Variants in KCNAB2 observed in about 807,000 individuals in gnomAD.
KCNAB2 encodes the protein voltage-gated potassium channel subunit beta-2.
KCNAB2 carries 29 observed loss-of-function variants against 63.6 expected under a neutral mutation model. The observed-to-expected ratio is 0.46, with a 90% CI of 0.34 to 0.62. KCNAB2 has a LOEUF of 0.62. KCNAB2 is among the 20% of genes least tolerant of loss of function. KCNAB2 has a pLI of 0.01. For synonymous variants in KCNAB2, 222 were observed against 224.2 expected (o/e 0.99, Z 0.09); for missense variants, 359 against 563.9 (o/e 0.64, Z 3.68).
At position 6,071,152 on chromosome 1, in the gene KCNAB2, G is replaced by A. The variant is rs1028452106; in HGVS notation, c.219-1603G>A. Among the ~76,000 whole-genome samples, 3 of 152,168 alleles carry A rather than the reference G, an allele frequency of 2.0e-5. No individual in the cohort carries two copies. The highest frequency in any genetic ancestry group is 4.8e-5 in the African/African-American group (2 of 41,444). On this transcript the variant is annotated intron_variant, in intron 2 of 15. Transcript: ENST00000378083. This position sits in a 1 kb window ranked among gnomAD's most constrained non-coding sequence, Gnocchi z 8.5. ...ACAGAGTGGGCTCGTGTCAGAAGTCGGGGGTTCAGAATGAGGCTTGAGCCC... is the reference window on the plus strand; with the variant it reads ...ACAGAGTGGGCTCGTGTCAGAAGTCAGGGGTTCAGAATGAGGCTTGAGCCC...
Position 5,994,654 on chromosome 1 carries a change from G to T in KCNAB2, c.-53+1866G>T, listed in dbSNP as rs1260417289. On this transcript the variant is annotated intron_variant, in intron 1 of 16. Transcript: ENST00000341524. The surrounding 1 kb of genome is among the most constrained non-coding windows in gnomAD (Gnocchi z 5.4). ...GTGAAACCCTTTTCGTGTGTTTCTT[G>T]GTTGAGAACCGTCTTGGGTCTGGAT... is the stretch of plus-strand genomic sequence containing the variant. 1.3e-5 allele frequency among the ~76,000 whole-genome samples: 2 copies of T among 152,146 alleles called. No individual in the cohort carries two copies. Among genetic ancestry groups the T allele is most frequent in the Admixed American group, 6.5e-5 (1 of 15,276 alleles).
chr1:6,091,286 T>C lies in KCNAB2; in HGVS notation c.625T>C (p.Ser209Pro). The change falls in exon 10 of 16, where the codon TCA becomes CCA. Residue 209 changes from serine (S) to proline (P), a missense_variant. Around this residue, in one of 2 missense-constraint regions of KCNAB2, gnomAD observed 271 missense variants for 476.1 expected, o/e 0.57. Coordinates refer to ENST00000378083, the MANE Select transcript of KCNAB2 (RefSeq NM_001199862.2). ...MEGDPFSSSK[S>P]RTFIIEETVR... ...AGGGGACCCATTTAGTTCCTCCAAG[T>C]CAAGGACATTCATCATAGAAGGTAC... The C allele has an allele frequency of 6.5e-7, 1 of 1,533,872 alleles. No individual in the cohort carries two copies. The highest frequency in any genetic ancestry group is 2.4e-5 in the East Asian group (1 of 40,906).
intron 2 of KCNAB2, among the ~76,000 whole-genome samples, chr1:6,058,495 A>G (rs896265305): frequency 2.0e-5 from 3 of 152,232 alleles, no homozygotes. Context: ...TCACTACAGC[A>G]GAATTGTCCT....
Position 6,084,696 on chromosome 1 carries a change from G to A in KCNAB2, c.381-508G>A, listed in dbSNP as rs550288822. Among the ~76,000 whole-genome samples the A allele has an allele frequency of 1.7e-3, 251 of 152,030 alleles. 1 individual carries two copies. The Middle Eastern group carries it at 0.017, about 10-fold the overall frequency. On this transcript the variant is annotated intron_variant, in intron 5 of 15. Coordinates refer to ENST00000378083, the MANE Select transcript of KCNAB2 (RefSeq NM_001199862.2). ...CCGGGCGTGGTGGCAGGTGCCTGTA[G>A]TCCCAGCTACTTGGGAGGCTGAGGC... is the stretch of plus-strand genomic sequence containing the variant.
rs559446356 is a variant in KCNAB2 at position 6,090,211 on chromosome 1, G to A, written c.515-178G>A. On this transcript the variant is annotated intron_variant, in intron 8 of 15. Transcript: ENST00000378083. The stretch of plus-strand genomic sequence containing the variant: ...TGAAGGGAAGATCCCCCCACTCCCT[G>A]TGGGATGTGCCCCCACCTCTGCCGT... Among the ~76,000 whole-genome samples, 259 of 152,070 alleles carry A rather than the reference G, an allele frequency of 1.7e-3. 1 individual carries two copies. Among genetic ancestry groups the A allele is most frequent in the African/African-American group, 6.1e-3 (253 of 41,468 alleles).
intron 15 of KCNAB2, chr1:6,097,737 T>C: frequency 2.2e-6 from 1 of 453,000 alleles, no homozygotes; most frequent in South Asian, 5.3e-5. Context: ...CGCAAATGCC[T>C]GCGGGAAGAA....
At chr1:6,011,980 T>C (rs2100274543) in intron 1 of KCNAB2, among the ~76,000 whole-genome samples, 1 of 151,534 alleles carries the variant, frequency 6.6e-6, no homozygotes, top group Non-Finnish European at 1.5e-5. Flanking sequence ...GTGGAGGTGA[T>C]GAAGGCAGAG....
At chr1:6,065,386 G>T (rs1262952910) in intron 2 of KCNAB2, among the ~76,000 whole-genome samples, 1 of 152,200 alleles carries the variant, frequency 6.6e-6, no homozygotes. Flanking sequence ...CGCTGCCCGC[G>T]CCTCTCCCTG....
In KCNAB2 at chr1:6,073,810, G is replaced by A. The variant is rs112537635; in HGVS notation, c.300+40G>A. 0.01 allele frequency: 16,145 copies of A among 1,606,706 alleles called. 1,393 individuals are homozygous for A. The African/African-American group carries it at 0.19, about 19-fold the overall frequency. On this transcript the variant is annotated intron_variant, in intron 4 of 15. Transcript: ENST00000378083. The surrounding 1 kb of genome is among the most constrained non-coding windows in gnomAD (Gnocchi z 5.7). ...TCCCAGCACCCCAGAACCCAGCACGGGCTCGCCAGAGCACATGGTTAAGTC... is the reference window on the plus strand; with the variant it reads ...TCCCAGCACCCCAGAACCCAGCACGAGCTCGCCAGAGCACATGGTTAAGTC...
chr1:6,023,591 T>C (rs577011279), intron 1 of KCNAB2, among the ~76,000 whole-genome samples: 66 of 152,314 alleles, frequency 4.3e-4, no homozygotes, highest in African/African-American at 1.5e-3. Context: ...CATTTGTGTC[T>C]TGTCTTTGGA....
intron 1 of KCNAB2, among the ~76,000 whole-genome samples, chr1:6,002,859 C>A (rs1657336082): frequency 6.6e-6 from 1 of 152,230 alleles, no homozygotes; most frequent in African/African-American, 2.4e-5. Flanking sequence ...GTGTCAAGGA[C>A]TCTGCCGTCA....
At chr1:6,050,130 C>G (rs1301346107) in intron 1 of KCNAB2, among the ~76,000 whole-genome samples, 3 of 152,222 alleles carry the variant, frequency 2.0e-5, no homozygotes, top group Non-Finnish European at 4.4e-5. Flanking sequence ...GCTGCCTCAG[C>G]TCCCAGGATA....
Position 6,046,074 on chromosome 1 carries a change from G to T in KCNAB2, c.-136G>T, listed in dbSNP as rs754467700. The T allele has an allele frequency of 2.1e-5, 21 of 985,474 alleles. No individual in the cohort carries two copies. Among genetic ancestry groups the T allele is most frequent in the Non-Finnish European group, 2.5e-5 (21 of 829,950 alleles). 61.0% of individuals were successfully genotyped at this position (985,474 alleles called of 1,614,324 possible). ...CACCAATTGCTTCTGACGTCCTGCA[G>T]TGACACTCCCTAATGAAAAAGCCGC... is the stretch of plus-strand genomic sequence containing the variant. On this transcript the variant is annotated 5_prime_UTR_variant, in exon 1 of 16. Transcript: ENST00000378083.
rs951182689 is a variant in KCNAB2 at position 6,035,491 on chromosome 1, C to T, written c.-53+697C>T. On this transcript the variant is annotated intron_variant, in intron 1 of 15. Coordinates refer to the KCNAB2 transcript ENST00000164247. The surrounding 1 kb of genome is among the most constrained non-coding windows in gnomAD (Gnocchi z 5.0). ...GCAGGAGAGGAGACAGGGAGAGGCA[C>T]GGGGCCCCTGGCCCAGGGATGGATT... is the stretch of plus-strand genomic sequence containing the variant. Among the ~76,000 whole-genome samples the T allele has an allele frequency of 8.6e-5, 13 of 151,924 alleles. No homozygotes were observed. The highest frequency in any genetic ancestry group is 1.5e-4 in the African/African-American group (6 of 41,352).
At chr1:6,037,216 G>A (rs1660111404) in intron 1 of KCNAB2, among the ~76,000 whole-genome samples, 1 of 152,210 alleles carries the variant, frequency 6.6e-6, no homozygotes, top group Admixed American at 6.5e-5. Context: ...TCCCTGCACT[G>A]TTTTCCAACC....
chr1:6,019,952 G>A (rs777476717), intron 1 of KCNAB2, among the ~76,000 whole-genome samples: 1 of 152,210 alleles, frequency 6.6e-6, no homozygotes, highest in Non-Finnish European at 1.5e-5. Context: ...TTATGAGGAA[G>A]CTGGTTTCCA....
At chr1:6,059,230 G>T (rs573098467) in intron 2 of KCNAB2, among the ~76,000 whole-genome samples, 15 of 152,142 alleles carry the variant, frequency 9.9e-5, no homozygotes, top group African/African-American at 2.6e-4. Flanking sequence ...TTGCTCTGTC[G>T]CCCAGGCTGG....
At chr1:6,026,485 G>A (rs975896787) in intron 1 of KCNAB2, 1 of 152,386 alleles carries the variant, frequency 6.6e-6, no homozygotes, top group African/African-American at 2.4e-5. Flanking sequence ...TCTAGGATGG[G>A]TTTTCTGTCT....
intron 1 of KCNAB2, among the ~76,000 whole-genome samples, chr1:5,997,553 G>A (rs1657008187): frequency 6.6e-6 from 1 of 152,228 alleles, no homozygotes; most frequent in Non-Finnish European, 1.5e-5. Context: ...CTCTGAGCAT[G>A]CTCCCCCTCC....
Sources: gnomAD v4.1 joint callset for allele counts (sites outside exome capture counted in the v4.1 genomes callset) on GRCh38, gnomAD v4.1.1 for gene constraint, gnomAD v4.1.1 regional missense constraint, Gnocchi (gnomAD v3.1) non-coding constraint, MANE v1.5 for transcripts, NCBI Gene and HGNC (gene_info 2026-07-23, HGNC 2026-07-21) for gene names.